Variants in PHLPP1 observed in about 807,000 individuals in gnomAD.
PHLPP1 encodes PH domain and leucine rich repeat protein phosphatase 1.
Under a neutral mutation model 117.2 loss-of-function variants are expected in PHLPP1, and 42 were observed. The ratio of observed to expected loss-of-function variants is 0.36; its 90% CI spans 0.28 to 0.46. The LOEUF (loss-of-function observed/expected upper bound fraction) is 0.46. Among genes scored for constraint, PHLPP1 ranks in the 20% least tolerant of loss-of-function variants. PHLPP1 has a pLI of 1.00. For missense variants in PHLPP1, 2,084 were observed against 2,241.9 expected (o/e 0.93, Z 1.42); for synonymous variants, 1,042 against 970.7 (o/e 1.07, Z -1.37).
chr18:62,840,494 A>T (rs967167053), intron 3 of PHLPP1, among the ~76,000 whole-genome samples: 1 of 152,190 alleles, frequency 6.6e-6, no homozygotes, highest in African/African-American at 2.4e-5. Flanking sequence ...AGATGAGGAG[A>T]TATTAAATAC....
chr18:62,772,428 AC>A (rs1912812500), intron 1 of PHLPP1, among the ~76,000 whole-genome samples: 1 of 152,218 alleles, frequency 6.6e-6, no homozygotes, highest in Admixed American at 6.5e-5. Context: ...GTTTTAAGAT[AC>A]AGGAAAAGCG....
chr18:62,973,347 A>T (rs938714210), intron 15 of PHLPP1, among the ~76,000 whole-genome samples: 1 of 152,214 alleles, frequency 6.6e-6, no homozygotes, highest in African/African-American at 2.4e-5. Context: ...AGGAATGAGG[A>T]TTCCTTCATT....
At chr18:62,743,703 TTA>T (rs1464732329) in intron 1 of PHLPP1, among the ~76,000 whole-genome samples, 2 of 152,308 alleles carry the variant, frequency 1.3e-5, no homozygotes, top group African/African-American at 2.4e-5. Context: ...ATTGCATTTT[TTA>T]TGTCTTTTAA....
At chr18:62,968,421 T>G (rs2144486984) in intron 14 of PHLPP1, among the ~76,000 whole-genome samples, 1 of 152,290 alleles carries the variant, frequency 6.6e-6, no homozygotes, top group Admixed American at 6.5e-5. Context: ...GATTATCTCT[T>G]TCTTCTTGAA....
chr18:62,760,433 T>C (rs1018462407), intron 1 of PHLPP1, among the ~76,000 whole-genome samples: 2 of 152,232 alleles, frequency 1.3e-5, no homozygotes, highest in African/African-American at 4.8e-5. Flanking sequence ...GATTAGGTTT[T>C]CTACCTTGAT....
At chr18:62,722,999 G>A (rs1325147417) in intron 1 of PHLPP1, among the ~76,000 whole-genome samples, 3 of 152,130 alleles carry the variant, frequency 2.0e-5, no homozygotes, top group African/African-American at 4.8e-5. Context: ...ATACTTTTTG[G>A]TATGTTAGGT....
intron 2 of PHLPP1, among the ~76,000 whole-genome samples, chr18:62,837,469 CTTTTTCTTGCCAGAGGATGTATCCA>C (rs1914937999): frequency 1.3e-5 from 2 of 152,228 alleles, no homozygotes; most frequent in South Asian, 4.1e-4. Flanking sequence ...TCTCTGCTCT[CTTTTTCTTGCCAGAGGATGTATCCA>C]TTTTTCTTGC....
intron 4 of PHLPP1, among the ~76,000 whole-genome samples, chr18:62,890,232 T>C (rs964371748): frequency 1.3e-5 from 2 of 152,024 alleles, no homozygotes; most frequent in Non-Finnish European, 2.9e-5. Context: ...GAGGTTTTTT[T>C]TCTCTCTTCC....
rs375407457 is a variant in PHLPP1, at chr18:62,972,661, A to G, written c.3708A>G (p.Thr1236=). 6 of 1,613,794 alleles carry G rather than the reference A, an allele frequency of 3.7e-6. No homozygotes were observed. Among genetic ancestry groups the G allele is most frequent in the Non-Finnish European group, 4.2e-6 (5 of 1,179,804 alleles). Residue 1236 remains threonine, a synonymous_variant, in exon 15 of 17, where the codon ACA becomes ACG. Coordinates refer to ENST00000262719, the MANE Select transcript of PHLPP1 (RefSeq NM_194449.4). ...TTTTGGCTGAAGAGCTGCAAAAAAC[A>G]AAAAACGAAGAAGAATACATGGTCA... is the stretch of plus-strand genomic sequence containing the variant. ...SDILAEELQK[T]KNEEEYMVNT...
chr18:62,831,359 A>C (rs2144332603), intron 2 of PHLPP1, among the ~76,000 whole-genome samples: 1 of 146,576 alleles, frequency 6.8e-6, no homozygotes, highest in South Asian at 2.1e-4. Flanking sequence ...TTTTTTTGAG[A>C]TGGAGTCTTG....
intron 1 of PHLPP1, among the ~76,000 whole-genome samples, chr18:62,774,675 G>T (rs1400757988): frequency 6.6e-6 from 1 of 152,196 alleles, no homozygotes; most frequent in African/African-American, 2.4e-5. Context: ...AATTTCATCT[G>T]TGTTCTTGAC....
At chr18:62,748,424 T>C (rs1911743831) in intron 1 of PHLPP1, among the ~76,000 whole-genome samples, 1 of 152,090 alleles carries the variant, frequency 6.6e-6, no homozygotes, top group Non-Finnish European at 1.5e-5. Flanking sequence ...TTTTTAGTTT[T>C]TCCGTAGAGA....
At chr18:62,839,148 G>A in intron 3 of PHLPP1, 1 of 444,632 alleles carries the variant, frequency 2.2e-6, no homozygotes. Context: ...TCTGTAAACA[G>A]GCATTACTAT....
At chr18:62,960,105 A>G (rs1287172387) in intron 13 of PHLPP1, among the ~76,000 whole-genome samples, 1 of 152,228 alleles carries the variant, frequency 6.6e-6, no homozygotes, top group Non-Finnish European at 1.5e-5. Context: ...GTAGGATACA[A>G]AAATTTTTGA....
At chr18:62,837,996 A>G (rs1388420745) in intron 2 of PHLPP1, 1 of 152,056 alleles carries the variant, frequency 6.6e-6, no homozygotes, top group African/African-American at 2.4e-5. Flanking sequence ...GTGCATGCCG[A>G]GCAAATTAAT....
At chr18:62,962,398 C>T (rs1910796529) in intron 13 of PHLPP1, among the ~76,000 whole-genome samples, 1 of 152,196 alleles carries the variant, frequency 6.6e-6, no homozygotes, top group African/African-American at 2.4e-5. Context: ...ACCTCCACCT[C>T]CCGAGTTCAA....
intron 1 of PHLPP1, among the ~76,000 whole-genome samples, chr18:62,734,984 A>C (rs770915324): frequency 6.6e-6 from 1 of 152,118 alleles, no homozygotes; most frequent in African/African-American, 2.4e-5. Context: ...CACAAAATGA[A>C]TATGTGATGA....
At chr18:62,729,398 T>C (rs1251790632) in intron 1 of PHLPP1, among the ~76,000 whole-genome samples, 1 of 152,188 alleles carries the variant, frequency 6.6e-6, no homozygotes, top group Non-Finnish European at 1.5e-5. Flanking sequence ...GACCCATTGC[T>C]GTAAAATACT....
chr18:62,821,462 T>C (rs1914451350), intron 1 of PHLPP1, among the ~76,000 whole-genome samples: 1 of 142,062 alleles, frequency 7.0e-6, no homozygotes. Context: ...GCTGGGAGAA[T>C]CACTTCAGCC....
Sources: gnomAD v4.1 joint callset for allele counts (sites outside exome capture counted in the v4.1 genomes callset) on GRCh38, gnomAD v4.1.1 for gene constraint, MANE v1.5 for transcripts, NCBI Gene and HGNC (gene_info 2026-07-23, HGNC 2026-07-21) for gene names.